Variants in IGF2BP2 observed in about 807,000 individuals in gnomAD.
IGF2BP2 encodes the protein insulin-like growth factor 2 mRNA-binding protein 2.
A neutral mutation model predicts 75.8 loss-of-function variants in IGF2BP2; 17 were observed. The observed-to-expected ratio is 0.22, with a 90% CI of 0.15 to 0.34. The LOEUF (loss-of-function observed/expected upper bound fraction) is 0.34. IGF2BP2 is among the 10% of genes least tolerant of loss of function. The pLI is 1.00. For missense variants in IGF2BP2, 516 were observed against 772.4 expected (o/e 0.67, Z 3.93); for synonymous variants, 288 against 295.6 (o/e 0.97, Z 0.26).
intron 2 of IGF2BP2, among the ~76,000 whole-genome samples, chr3:185,780,397 C>A (rs751630477): frequency 6.6e-6 from 1 of 152,058 alleles, no homozygotes; most frequent in Non-Finnish European, 1.5e-5. Context: ...AGTTCCTTGG[C>A]CAAATGAGTT....
At chr3:185,690,922 A>T (rs921751593) in intron 5 of IGF2BP2, among the ~76,000 whole-genome samples, 4 of 152,194 alleles carry the variant, frequency 2.6e-5, no homozygotes, top group Admixed American at 1.3e-4. Flanking sequence ...TAGGACTTGT[A>T]AATTTATTAC....
At chr3:185,787,455 G>C (rs558204926) in intron 2 of IGF2BP2, among the ~76,000 whole-genome samples, 1 of 152,194 alleles carries the variant, frequency 6.6e-6, no homozygotes, top group Non-Finnish European at 1.5e-5. Flanking sequence ...CTGACAGGCC[G>C]GGCGCGGCGG....
chr3:185,663,239 A>C (rs1716760125), intron 10 of IGF2BP2, among the ~76,000 whole-genome samples: 1 of 152,198 alleles, frequency 6.6e-6, no homozygotes, highest in Non-Finnish European at 1.5e-5. Context: ...ATGACGGAGA[A>C]GCTACTTTAT....
intron 2 of IGF2BP2, among the ~76,000 whole-genome samples, chr3:185,756,053 G>A (rs893116455): frequency 1.3e-5 from 2 of 152,154 alleles, no homozygotes; most frequent in African/African-American, 2.4e-5. Context: ...CCTCATTGCT[G>A]GAAATGGAAC....
intron 7 of IGF2BP2, among the ~76,000 whole-genome samples, chr3:185,683,316 C>T (rs1285880898): frequency 6.6e-6 from 1 of 152,132 alleles, no homozygotes; most frequent in Non-Finnish European, 1.5e-5. Flanking sequence ...GTACAGAGTT[C>T]CAGATTTACA....
intron 2 of IGF2BP2, among the ~76,000 whole-genome samples, chr3:185,757,460 T>TTC (rs71164540): frequency 4.3e-4 from 20 of 46,532 alleles, no homozygotes; most frequent in Non-Finnish European, 7.1e-4. Flanking sequence ...TATCTCATAC[T>TTC]TTTTTTTTTT....
intron 2 of IGF2BP2, among the ~76,000 whole-genome samples, chr3:185,776,482 A>C (rs1407287840): frequency 6.6e-6 from 1 of 152,172 alleles, no homozygotes; most frequent in African/African-American, 2.4e-5. Flanking sequence ...GGTGCAACTG[A>C]GATCCAGGCA....
At position 185,657,340 on chromosome 3, in the gene IGF2BP2, C is replaced by A. The variant is rs1244920721; in HGVS notation, c.1332G>T (p.Gly444=). ...GCTGTTTGATGTGTGCCCCCTTCTT[C>A]CCGATGATGGCGCCCACAGCCTGGG... is the stretch of plus-strand genomic sequence containing the variant. ...IPTQAVGAII[G]KKGAHIKQLA... Residue 444 remains glycine, a synonymous_variant, in exon 12 of 16, where the codon GGG becomes GGT. Coordinates refer to ENST00000382199, the MANE Select transcript of IGF2BP2 (RefSeq NM_006548.6). 8.7e-6 allele frequency: 14 copies of A among 1,613,952 alleles called. No homozygotes were observed. The highest frequency in any genetic ancestry group is 1.0e-5 in the Non-Finnish European group (12 of 1,179,930).
At chr3:185,669,347 A>G (rs1443581196) in intron 10 of IGF2BP2, among the ~76,000 whole-genome samples, 1 of 152,042 alleles carries the variant, frequency 6.6e-6, no homozygotes, top group African/African-American at 2.4e-5. Context: ...AATATAAATC[A>G]TATATAAATA....
In IGF2BP2 at chr3:185,676,457, G is replaced by A. The variant is rs938226595; in HGVS notation, c.813-544C>T. ...CTTTGGGAGGCCAAGGTGGGCAATC[G>A]CCTAAGCCCGAGAGTTCAAGACCAG... On this transcript the variant is annotated intron_variant, in intron 7 of 15. Transcript: ENST00000382199. Among the ~76,000 whole-genome samples, 9 of 152,134 alleles carry A rather than the reference G, an allele frequency of 5.9e-5. No homozygotes were observed. In the South Asian group the frequency reaches 6.2e-4, roughly 11 times the overall value.
intron 2 of IGF2BP2, chr3:185,724,666 C>T (rs6781019): frequency 0.41 from 62,021 of 152,076 alleles, 12,967 homozygotes; most frequent in South Asian, 0.48. Flanking sequence ...CTGTGAGTGA[C>T]AGTGTTCTAG....
chr3:185,758,849 T>C (rs1359835794), intron 2 of IGF2BP2, among the ~76,000 whole-genome samples: 1 of 152,262 alleles, frequency 6.6e-6, no homozygotes, highest in East Asian at 1.9e-4. Context: ...CACTTGTTGC[T>C]TTCAGCAATT....
chr3:185,778,658 T>C (rs1342350002), intron 2 of IGF2BP2, among the ~76,000 whole-genome samples: 2 of 152,204 alleles, frequency 1.3e-5, no homozygotes, highest in Non-Finnish European at 2.9e-5. Flanking sequence ...GGACACCTGG[T>C]TCTACAGGAC....
intron 2 of IGF2BP2, among the ~76,000 whole-genome samples, chr3:185,760,977 A>G (rs1732279837): frequency 6.6e-6 from 1 of 152,010 alleles, no homozygotes; most frequent in African/African-American, 2.4e-5. Context: ...ATTTTCTTAT[A>G]CTTCAAATAT....
intron 2 of IGF2BP2, among the ~76,000 whole-genome samples, chr3:185,759,117 C>A (rs1489166094): frequency 6.6e-6 from 1 of 152,210 alleles, no homozygotes; most frequent in East Asian, 1.9e-4. Context: ...CAATGGAACT[C>A]TGTATCCAAT....
rs61387087 is a variant in IGF2BP2, at chr3:185,781,777, T to C, written c.239+41376A>G. On this transcript the variant is annotated intron_variant, in intron 2 of 15. Coordinates refer to ENST00000382199, the MANE Select transcript of IGF2BP2 (RefSeq NM_006548.6). ...TCCCAAAAGTTGGGTCATAAGTTGT[T>C]TGTGTTTGTGTGTGTGTGTGTGTGT... Among the ~76,000 whole-genome samples, 520 of 151,898 alleles carry C rather than the reference T, an allele frequency of 3.4e-3. 1 individual carries two copies. The highest frequency in any genetic ancestry group is 0.012 in the African/African-American group (501 of 41,408).
intron 12 of IGF2BP2, among the ~76,000 whole-genome samples, chr3:185,655,895 T>G (rs1715359675): frequency 6.6e-6 from 1 of 152,146 alleles, no homozygotes; most frequent in Admixed American, 6.5e-5. Context: ...TCATGGGCAA[T>G]AGTAAATGAA....
chr3:185,753,546 G>A (rs1276891986), intron 2 of IGF2BP2, among the ~76,000 whole-genome samples: 3 of 152,152 alleles, frequency 2.0e-5, no homozygotes, highest in South Asian at 2.1e-4. Context: ...AGGCAACTGC[G>A]CAATCCAAAG....
At chr3:185,692,557 G>A (rs1722082549) in intron 5 of IGF2BP2, 142 bp downstream of exon 5, 2 of 681,904 alleles carry the variant, frequency 2.9e-6, no homozygotes, top group Non-Finnish European at 4.9e-6. Flanking sequence ...ATGCCGTGGA[G>A]CTCCATGGGT....
Sources: allele counts gnomAD v4.1 joint callset (sites outside exome capture counted in the v4.1 genomes callset), GRCh38; gene constraint gnomAD v4.1.1; transcripts MANE v1.5; gene names NCBI Gene and HGNC (gene_info 2026-07-23, HGNC 2026-07-21).